MCPH1: variants seen among roughly 807,000 people sequenced by gnomAD.
MCPH1 encodes the protein microcephalin.
Under a neutral mutation model 84.5 loss-of-function variants are expected in MCPH1, and 104 were observed. That is an observed-to-expected ratio of 1.23 (90% confidence interval 1.05 to 1.45). The LOEUF is 1.45. Ranked by LOEUF, MCPH1 falls within the 40% of genes most tolerant of loss-of-function variation. MCPH1 has a pLI of 0.00. For synonymous variants in MCPH1, 514 were observed against 366.8 expected, an observed-to-expected ratio of 1.40 and a Z score of -4.58; for missense variants, 1,498 against 1,005.7, an observed-to-expected ratio of 1.49 and a Z score of -6.62.
At position 6,646,541 on chromosome 8, in the gene MCPH1, G is replaced by T. The variant is rs1563236198; in HGVS notation, c.*3492G>T. 2.0e-5 allele frequency: 3 copies of T among 151,452 alleles called. No individual in the cohort carries two copies. The South Asian group carries it at 6.3e-4, about 32-fold the overall frequency. 9.4% of individuals were successfully genotyped at this position (151,452 alleles called of 1,614,324 possible). A position where few individuals can be genotyped will look rare whatever the true frequency, so the allele number is the denominator to read the frequency against. On this transcript the variant is annotated 3_prime_UTR_variant, in exon 14 of 14. Transcript: ENST00000344683. ...TTTTCAACAAATGGTGCTGGCAGAA[G>T]AAAAAAAAAGTACTTGGATCCTTAC...
chr8:6,456,887 C>T (rs1160958568), intron 9 of MCPH1, among the ~76,000 whole-genome samples: 3 of 152,064 alleles, frequency 2.0e-5, no homozygotes, highest in Admixed American at 6.5e-5. Flanking sequence ...GCATCCTGGG[C>T]GGGAGTGTGG....
intron 9 of MCPH1, among the ~76,000 whole-genome samples, chr8:6,475,696 C>T (rs1410433041): frequency 6.6e-6 from 1 of 152,174 alleles, no homozygotes; most frequent in Non-Finnish European, 1.5e-5. Flanking sequence ...AGAGTGGGAC[C>T]CATGGGCCAC....
At position 6,513,784 on chromosome 8, in the gene MCPH1, T is replaced by A. The variant is rs758845027; in HGVS notation, c.2214+13855T>A. On this transcript the variant is annotated intron_variant, in intron 12 of 13. Transcript: ENST00000344683. ...ATTTTAAGCACATAGCGTTGCTGAT[T>A]AGTCAGTTGCGAAACAAACTCATTT... The A allele has an allele frequency of 1.9e-6, 3 of 1,614,114 alleles. No homozygotes were observed. In the South Asian group the frequency reaches 3.3e-5, roughly 18 times the overall value.
chr8:6,414,757 G>C lies in MCPH1; in HGVS notation c.115-8G>C. ...ATGTACATTTTGTTTTCTGCATTTT[G>C]TCTACAGGTTTCAAAAACTTTTAAC... On this transcript the variant is annotated splice_region_variant and splice_polypyrimidine_tract_variant and intron_variant, in intron 2 of 13. Coordinates refer to ENST00000344683, the MANE Select transcript of MCPH1 (RefSeq NM_024596.5). 1 of 1,613,100 alleles carries C rather than the reference G, an allele frequency of 6.2e-7. No individual in the cohort carries two copies. Among genetic ancestry groups the C allele is most frequent in the Non-Finnish European group, 8.5e-7 (1 of 1,179,500 alleles).
At position 6,621,472 on chromosome 8, in the gene MCPH1, C is replaced by G. The variant is rs537341508; in HGVS notation, c.2233C>G (p.His745Asp). ...CCCACAGCTGTGCCGAAGCGAGTGC[C>G]ACTTGTCTGCAGGGCCGTACCGCGG... Reference protein sequence around the residue: ...PAAPLCRSECHLSAGPYRGTL... With the variant: ...PAAPLCRSECDLSAGPYRGTL... The change falls in exon 13 of 14, where the codon CAC (histidine) becomes GAC (aspartate). Residue 745 changes from histidine to aspartate, a missense_variant. Physicochemically the swap from His to Asp is moderately conservative, Grantham distance 81. Transcript: ENST00000344683. 1.2e-6 allele frequency: 2 copies of G among 1,613,966 alleles called. No homozygotes were observed. Among genetic ancestry groups the G allele is most frequent in the Non-Finnish European group, 1.7e-6 (2 of 1,180,022 alleles).
At chr8:6,622,523 C>T (rs752525700) in intron 13 of MCPH1, among the ~76,000 whole-genome samples, 1 of 152,238 alleles carries the variant, frequency 6.6e-6, no homozygotes, top group African/African-American at 2.4e-5. Context: ...ATCCCACACC[C>T]TCCTCCATGG....
chr8:6,442,225 AT>A, intron 7 of MCPH1, 69 bp downstream of exon 7: 1 of 1,016,438 alleles, frequency 9.8e-7, no homozygotes, highest in South Asian at 1.3e-5. Context: ...CTGATTTAGA[AT>A]TTCATGTAGC....
chr8:6,445,029 C>G lies in MCPH1; in HGVS notation c.1307C>G (p.Pro436Arg). ...AATCTTCCTCCTGAATCTCAGCTGC[C>G]ATCAAGCCCTGCTCAGTTGAGCTGC... ...SENLPPESQL[P>R]SSPAQLSCRS... The change falls in exon 8 of 14, where the codon CCA (proline) becomes CGA (arginine). Residue 436 changes from proline (P) to arginine (R), a missense_variant. Transcript: ENST00000344683. 4 of 1,614,204 alleles carry G rather than the reference C, an allele frequency of 2.5e-6. No homozygotes were observed. The highest frequency in any genetic ancestry group is 2.5e-6 in the Non-Finnish European group (3 of 1,180,030).
At chr8:6,559,226 C>T (rs957869738) in intron 12 of MCPH1, among the ~76,000 whole-genome samples, 4 of 101,436 alleles carry the variant, frequency 3.9e-5, no homozygotes, top group Admixed American at 1.1e-4. Flanking sequence ...TAGCCACACA[C>T]GACAACACAC....
intron 12 of MCPH1, among the ~76,000 whole-genome samples, chr8:6,550,255 G>T (rs941070789): frequency 6.6e-6 from 1 of 152,088 alleles, no homozygotes; most frequent in African/African-American, 2.4e-5. Context: ...TCACTGATGC[G>T]CAGCTCAGGC....
At chr8:6,424,783 C>T (rs529862118) in intron 3 of MCPH1, among the ~76,000 whole-genome samples, 5 of 152,242 alleles carry the variant, frequency 3.3e-5, no homozygotes, top group Admixed American at 6.5e-5. Flanking sequence ...CACAGAAGTT[C>T]GCTCTCTGCT....
rs551619248 is a variant in MCPH1 at position 6,477,457 on chromosome 8, T to C, written c.1936-137T>C. Reference sequence around the variant, plus strand: ...TTTTTTCCAGGAATATAAAGGTTTTTTTTCTTTGACATATGCTTAAATGTT... The same window carrying C: ...TTTTTTCCAGGAATATAAAGGTTTTCTTTCTTTGACATATGCTTAAATGTT... On this transcript the variant is annotated intron_variant, in intron 9 of 13. Coordinates refer to ENST00000344683, the MANE Select transcript of MCPH1 (RefSeq NM_024596.5). 558 of 744,080 alleles carry C rather than the reference T, an allele frequency of 7.5e-4. 5 individuals carry two copies. The African/African-American group carries it at 8.1e-3, about 11-fold the overall frequency. 46.1% of individuals were successfully genotyped at this position (744,080 alleles called of 1,614,324 possible).
intron 9 of MCPH1, among the ~76,000 whole-genome samples, chr8:6,468,228 T>G (rs1807239411): frequency 1.3e-5 from 2 of 152,146 alleles, no homozygotes; most frequent in African/African-American, 4.8e-5. Flanking sequence ...CCACTGCCCC[T>G]TATTGTGGGT....
intron 13 of MCPH1, among the ~76,000 whole-genome samples, chr8:6,635,739 C>A (rs1797500270): frequency 6.6e-6 from 1 of 152,216 alleles, no homozygotes; most frequent in Non-Finnish European, 1.5e-5. Flanking sequence ...GCCTCCTCGT[C>A]CCCAGAGGAC....
intron 11 of MCPH1, among the ~76,000 whole-genome samples, chr8:6,490,206 C>G (rs1313172339): frequency 6.6e-6 from 1 of 152,224 alleles, no homozygotes; most frequent in Non-Finnish European, 1.5e-5. Flanking sequence ...GACATCTGAA[C>G]TTTCACTTTT....
In MCPH1 at chr8:6,463,963, C is replaced by G. The variant is rs557527529; in HGVS notation, c.1935+8711C>G. Reference sequence around the variant, plus strand: ...TCAAGTTGAAAGAGCAGTGACTCATCCAAAGGACAGGTGATATTTATTTAT... The same window carrying G: ...TCAAGTTGAAAGAGCAGTGACTCATGCAAAGGACAGGTGATATTTATTTAT... On this transcript the variant is annotated intron_variant, in intron 9 of 13. Transcript: ENST00000344683. 3.3e-5 allele frequency among the ~76,000 whole-genome samples: 5 copies of G among 152,276 alleles called. No homozygotes were observed. The South Asian group carries it at 8.3e-4, about 25-fold the overall frequency.
intron 12 of MCPH1, among the ~76,000 whole-genome samples, chr8:6,539,241 C>T (rs768072048): frequency 6.3e-4 from 96 of 152,218 alleles, no homozygotes; most frequent in Non-Finnish European, 9.7e-4. Context: ...TGCCCTGTGA[C>T]GTGGGAAGCA....
intron 11 of MCPH1, among the ~76,000 whole-genome samples, chr8:6,481,989 C>T (rs1280901297): frequency 2.6e-5 from 4 of 152,230 alleles, no homozygotes; most frequent in Admixed American, 2.0e-4. Context: ...CTCAGGTTAT[C>T]TGGCTCCATT....
At chr8:6,455,826 T>C (rs1006348728) in intron 9 of MCPH1, among the ~76,000 whole-genome samples, 2 of 152,228 alleles carry the variant, frequency 1.3e-5, no homozygotes, top group Non-Finnish European at 2.9e-5. Flanking sequence ...ATTAGCCATA[T>C]ATATTATACC....
Sources: allele counts gnomAD v4.1 joint callset (sites outside exome capture counted in the v4.1 genomes callset), GRCh38; gene constraint gnomAD v4.1.1; transcripts MANE v1.5; gene names NCBI Gene and HGNC (gene_info 2026-07-23, HGNC 2026-07-21).